Variants in VWC2 observed in about 807,000 individuals in gnomAD.
VWC2 encodes the protein brorin.
A neutral mutation model predicts 29.8 loss-of-function variants in VWC2; 14 were observed. That is an observed-to-expected ratio of 0.47 (90% CI 0.31 to 0.74). The LOEUF (loss-of-function observed/expected upper bound fraction) is 0.74. Among genes scored for constraint, VWC2 ranks in the 30% least tolerant of loss-of-function variants. VWC2 has a pLI of 0.05. For synonymous variants in VWC2, 213 were observed against 199.0 expected (o/e 1.07, Z -0.59); for missense variants, 457 against 459.8 (o/e 0.99, Z 0.05).
intron 2 of VWC2, among the ~76,000 whole-genome samples, chr7:49,796,084 A>G (rs1349549759): frequency 6.6e-6 from 1 of 152,202 alleles, no homozygotes; most frequent in Non-Finnish European, 1.5e-5. Context: ...GTATCATTGC[A>G]GAATCCAATA....
intron 3 of VWC2, among the ~76,000 whole-genome samples, chr7:49,873,870 T>C (rs900389038): frequency 2.7e-5 from 4 of 150,550 alleles, no homozygotes; most frequent in African/African-American, 7.4e-5. Context: ...TTTATATTTA[T>C]GCCAACATGG....
At chr7:49,776,879 T>C (rs1196268026) in intron 2 of VWC2, among the ~76,000 whole-genome samples, 2 of 152,206 alleles carry the variant, frequency 1.3e-5, no homozygotes, top group Non-Finnish European at 2.9e-5. Context: ...ACACAGAATA[T>C]TTAAATAATG....
At chr7:49,776,182 G>T in intron 2 of VWC2, 51 bp downstream of exon 2, 1 of 1,433,008 alleles carries the variant, frequency 7.0e-7, no homozygotes, top group South Asian at 1.4e-5. Context: ...GGAAGGGGTG[G>T]AACAGCTTTG....
In VWC2 at chr7:49,778,868, T is replaced by C. The variant is rs532953743; in HGVS notation, c.696+2737T>C. On this transcript the variant is annotated intron_variant, in intron 2 of 3. Coordinates refer to ENST00000340652, the MANE Select transcript of VWC2 (RefSeq NM_198570.5). ...AGGAAAGCATTCTGTCTGAAGTGCT[T>C]TGCACTTCTCTGAAGAAAATGTGAT... 7.9e-5 allele frequency among the ~76,000 whole-genome samples: 12 copies of C among 152,330 alleles called. No homozygotes were observed. The East Asian group carries it at 2.3e-3, about 29-fold the overall frequency.
intron 3 of VWC2, among the ~76,000 whole-genome samples, chr7:49,893,774 A>C (rs1314473194): frequency 6.6e-6 from 1 of 152,208 alleles, no homozygotes; most frequent in South Asian, 2.1e-4. Context: ...TTTGGCAGTC[A>C]GAGCTGGTGC....
rs1421188201 is a variant in VWC2 at position 49,817,392 on chromosome 7, T to C, written c.826+14552T>C. 1.3e-4 allele frequency among the ~76,000 whole-genome samples: 20 copies of C among 152,204 alleles called. 1 individual carries two copies. The highest frequency in any genetic ancestry group is 1.3e-3 in the Admixed American group (20 of 15,274). On this transcript the variant is annotated intron_variant, in intron 3 of 3. Coordinates refer to ENST00000340652, the MANE Select transcript of VWC2 (RefSeq NM_198570.5). ...GTAACTTGAATTGCATCCAAAACAC[T>C]TACATGGAACACATTCTGGTAGAAA... is the stretch of plus-strand genomic sequence containing the variant.
At chr7:49,860,748 TAA>T (rs1790614834) in intron 3 of VWC2, among the ~76,000 whole-genome samples, 1 of 152,166 alleles carries the variant, frequency 6.6e-6, no homozygotes, top group African/African-American at 2.4e-5. Flanking sequence ...AAGATGTAAT[TAA>T]GTTAAATGAG....
chr7:49,801,708 G>A (rs891206623), intron 2 of VWC2, among the ~76,000 whole-genome samples: 7 of 152,364 alleles, frequency 4.6e-5, no homozygotes, highest in African/African-American at 1.2e-4. Context: ...CCATGGACTC[G>A]CAGTCAGGAG....
chr7:49,825,400 T>C (rs1789370287), intron 3 of VWC2, among the ~76,000 whole-genome samples: 1 of 152,182 alleles, frequency 6.6e-6, no homozygotes. Context: ...ATTTGGTTGA[T>C]ACATTGCAGC....
At chr7:49,847,760 A>C (rs2128715338) in intron 3 of VWC2, among the ~76,000 whole-genome samples, 1 of 152,288 alleles carries the variant, frequency 6.6e-6, no homozygotes, top group South Asian at 2.1e-4. Context: ...GCAGACTGTG[A>C]GCACAGGAAC....
At chr7:49,796,286 A>T (rs1484008196) in intron 2 of VWC2, among the ~76,000 whole-genome samples, 1 of 152,130 alleles carries the variant, frequency 6.6e-6, no homozygotes, top group Non-Finnish European at 1.5e-5. Flanking sequence ...TTACTTGGAA[A>T]ATTGTTCTGG....
chr7:49,911,644 C>T (rs1793439137), intron 3 of VWC2, among the ~76,000 whole-genome samples: 1 of 151,928 alleles, frequency 6.6e-6, no homozygotes, highest in Non-Finnish European at 1.5e-5. Flanking sequence ...TGCCTGTAAT[C>T]TGAGCACTTT....
intron 3 of VWC2, among the ~76,000 whole-genome samples, chr7:49,867,205 GA>G (rs2128722091): frequency 6.6e-6 from 1 of 152,282 alleles, no homozygotes; most frequent in African/African-American, 2.4e-5. Flanking sequence ...TAAAGAGATC[GA>G]AACTTTGTCC....
intron 3 of VWC2, among the ~76,000 whole-genome samples, chr7:49,896,605 G>A (rs1341803205): frequency 6.6e-6 from 1 of 152,026 alleles, no homozygotes; most frequent in Non-Finnish European, 1.5e-5. Flanking sequence ...CCAAAAACTG[G>A]TTGGTTCTTT....
intron 3 of VWC2, among the ~76,000 whole-genome samples, chr7:49,811,238 T>C (rs2128707476): frequency 1.3e-5 from 2 of 152,260 alleles, no homozygotes; most frequent in Admixed American, 1.3e-4. Context: ...AAATGACAAA[T>C]AACCAATTAA....
intron 3 of VWC2, among the ~76,000 whole-genome samples, chr7:49,814,083 T>C (rs184937623): frequency 4.6e-4 from 70 of 152,354 alleles, no homozygotes; most frequent in Middle Eastern, 6.8e-3. Flanking sequence ...GCTAATGTAC[T>C]TATTTTACAC....
chr7:49,832,782 A>G (rs1003006663), intron 3 of VWC2, among the ~76,000 whole-genome samples: 3 of 152,148 alleles, frequency 2.0e-5, no homozygotes, highest in African/African-American at 7.2e-5. Context: ...CATTGCCAAG[A>G]CTTTGTCAAG....
chr7:49,876,802 T>A (rs1791430536), intron 3 of VWC2, among the ~76,000 whole-genome samples: 1 of 152,156 alleles, frequency 6.6e-6, no homozygotes, highest in Non-Finnish European at 1.5e-5. Flanking sequence ...AATGATTCTC[T>A]TAATTACAGT....
chr7:49,881,176 A>G (rs1274734102), intron 3 of VWC2, among the ~76,000 whole-genome samples: 2 of 152,152 alleles, frequency 1.3e-5, no homozygotes, highest in Non-Finnish European at 2.9e-5. Context: ...TACTAGGCTC[A>G]GGAGGTGAAG....
Sources: allele counts gnomAD v4.1 joint callset (sites outside exome capture counted in the v4.1 genomes callset), GRCh38; gene constraint gnomAD v4.1.1; transcripts MANE v1.5; gene names NCBI Gene and HGNC (gene_info 2026-07-23, HGNC 2026-07-21).